The following ERI1 variants were observed in gnomAD, a reference collection of about 807,000 sequenced individuals.
ERI1 encodes 3'-5' exoribonuclease 1.
Under a neutral mutation model 39.7 loss-of-function variants are expected in ERI1, and 39 were observed. The observed-to-expected ratio is 0.98, with a 90% CI of 0.76 to 1.28. The LOEUF is 1.28. Among genes scored for constraint, ERI1 ranks in the 50% most tolerant of loss-of-function variants. ERI1 has a pLI of 0.00. For synonymous variants in ERI1, 204 were observed against 149.6 expected (o/e 1.36, Z -2.65); for missense variants, 581 against 416.9 (o/e 1.39, Z -3.43).
rs1389135952 is a variant in ERI1 at position 9,032,641 on chromosome 8, A to G, written c.*2607A>G. The G allele has an allele frequency of 6.6e-6, 1 of 152,246 alleles. No individual in the cohort carries two copies. Among genetic ancestry groups the G allele is most frequent in the African/African-American group, 2.4e-5 (1 of 41,464 alleles). 9.4% of individuals were successfully genotyped at this position (152,246 alleles called of 1,614,324 possible). A position where few individuals can be genotyped will look rare whatever the true frequency, so the allele number is the denominator to read the frequency against. ...GAGAGGGTATCTCTGAAGACTAATT[A>G]AAATGGTAATTTTTAAAAAGATGTG... On this transcript the variant is annotated 3_prime_UTR_variant, in exon 7 of 7. Transcript: ENST00000250263.
At chr8:9,077,777 A>G (rs890585504) in intron 3 of ERI1, among the ~76,000 whole-genome samples, 2 of 152,190 alleles carry the variant, frequency 1.3e-5, no homozygotes, top group Non-Finnish European at 2.9e-5. Context: ...TAGTCAGATA[A>G]GAGAGGACTA....
chr8:9,017,230 A>G (rs1053161410), intron 4 of ERI1, among the ~76,000 whole-genome samples: 1 of 151,476 alleles, frequency 6.6e-6, no homozygotes, highest in African/African-American at 2.4e-5. Context: ...TTTAGTAGAG[A>G]CGGGTTTCAC....
At chr8:9,037,489 G>A (rs1797889132), downstream of ERI1, among the ~76,000 whole-genome samples, 1 of 149,960 alleles carries the variant, frequency 6.7e-6, no homozygotes, top group African/African-American at 2.4e-5. Context: ...CATATGTACT[G>A]TATTGTTGGG....
intron 3 of ERI1, among the ~76,000 whole-genome samples, chr8:9,065,626 C>T (rs996638132): frequency 2.1e-3 from 294 of 141,078 alleles, no homozygotes; most frequent in African/African-American, 7.4e-3. Flanking sequence ...ACCCGGGAGG[C>T]GGAGCTTGCA....
intron 3 of ERI1, among the ~76,000 whole-genome samples, chr8:9,046,037 G>T (rs1224160970): frequency 2.0e-5 from 3 of 152,100 alleles, no homozygotes. Flanking sequence ...ATTCTAGGGG[G>T]CGGAGTTGGG....
chr8:9,032,379 T>G lies in ERI1; in HGVS notation c.*2345T>G, dbSNP rs1416827491. 1 of 152,206 alleles carries G rather than the reference T, an allele frequency of 6.6e-6. No individual in the cohort carries two copies. Among genetic ancestry groups the G allele is most frequent in the Non-Finnish European group, 1.5e-5 (1 of 68,028 alleles). 9.4% of individuals were successfully genotyped at this position (152,206 alleles called of 1,614,324 possible). A position where few individuals can be genotyped will look rare whatever the true frequency, so the allele number is the denominator to read the frequency against. The stretch of plus-strand genomic sequence containing the variant: ...CATTGACATAGTGGATTTCTGCTGA[T>G]TTTTTTCAAATCCGCAATCTTTATA... On this transcript the variant is annotated 3_prime_UTR_variant, in exon 7 of 7. Transcript: ENST00000250263.
chr8:9,066,573 A>G (rs1020902334), intron 3 of ERI1, among the ~76,000 whole-genome samples: 1 of 152,242 alleles, frequency 6.6e-6, no homozygotes, highest in African/African-American at 2.4e-5. Flanking sequence ...ACAGGCAGAA[A>G]GGAATCAGAT....
intron 6 of ERI1, among the ~76,000 whole-genome samples, chr8:9,023,468 T>C (rs1382282340): frequency 6.6e-6 from 1 of 152,128 alleles, no homozygotes; most frequent in Non-Finnish European, 1.5e-5. Context: ...TCACAGTATA[T>C]TAGTGTAATC....
intron 3 of ERI1, among the ~76,000 whole-genome samples, chr8:9,014,880 C>G (rs979018693): frequency 1.3e-5 from 2 of 152,088 alleles, no homozygotes; most frequent in East Asian, 1.9e-4. Flanking sequence ...CTTTGTCACC[C>G]AGGCTGGAGA....
At chr8:9,048,564 C>T (rs1039795375) in intron 3 of ERI1, 2 of 153,802 alleles carry the variant, frequency 1.3e-5, no homozygotes, top group Non-Finnish European at 2.9e-5. Context: ...CTGGTGGGGC[C>T]AGCAGATAAC....
chr8:9,037,465 G>A (rs1457277110), downstream of ERI1, among the ~76,000 whole-genome samples: 1 of 150,684 alleles, frequency 6.6e-6, no homozygotes, highest in Non-Finnish European at 1.5e-5. Flanking sequence ...CCCTTCATTT[G>A]TGCTGCAGAG....
At chr8:9,082,081 TG>T (rs1799389470) in intron 3 of ERI1, among the ~76,000 whole-genome samples, 1 of 152,128 alleles carries the variant, frequency 6.6e-6, no homozygotes, top group Admixed American at 6.6e-5. Flanking sequence ...CAGAGTAGAA[TG>T]GAAAGCATGA....
intron 3 of ERI1, among the ~76,000 whole-genome samples, chr8:9,042,937 C>T (rs1027142389): frequency 3.3e-5 from 5 of 152,158 alleles, no homozygotes; most frequent in Admixed American, 6.5e-5. Flanking sequence ...CGCGCAGTGC[C>T]GTATGTCCCC....
chr8:9,065,435 C>G (rs1176800760), intron 3 of ERI1, among the ~76,000 whole-genome samples: 8 of 152,134 alleles, frequency 5.3e-5, no homozygotes, highest in Non-Finnish European at 8.8e-5. Context: ...GTGGCTCACA[C>G]CTGTAATCCC....
In ERI1 at chr8:9,033,336, G is replaced by C. The variant is rs1465211530; in HGVS notation, c.*3302G>C. ...GTTTCTCTAAATAAAGTTTTGGAAA[G>C]AACTACCATTCTCATTTGTTTTCAT... is the stretch of plus-strand genomic sequence containing the variant. On this transcript the variant is annotated 3_prime_UTR_variant, in exon 7 of 7. Transcript: ENST00000250263. The C allele has an allele frequency of 6.6e-6, 1 of 152,176 alleles. No individual in the cohort carries two copies. 9.4% of individuals were successfully genotyped at this position (152,176 alleles called of 1,614,324 possible).
At chr8:9,049,305 C>CAG (rs1247159447) in intron 3 of ERI1, among the ~76,000 whole-genome samples, 4 of 131,882 alleles carry the variant, frequency 3.0e-5, no homozygotes, top group African/African-American at 1.2e-4. Flanking sequence ...CACTGTACTC[C>CAG]AGCCTGGGCG....
intron 3 of ERI1, among the ~76,000 whole-genome samples, chr8:9,072,094 G>C (rs11249901): frequency 0.094 from 14,274 of 152,026 alleles, 1,208 homozygotes; most frequent in East Asian, 0.24. Context: ...AAATGACAGA[G>C]AGGCAGAATT....
chr8:9,005,472 A>C (rs1005462930), intron 1 of ERI1, among the ~76,000 whole-genome samples: 10 of 152,064 alleles, frequency 6.6e-5, no homozygotes, highest in African/African-American at 9.7e-5. Context: ...TTGTAAAAGA[A>C]AATTTGTAAC....
At chr8:9,087,393 C>T (rs953349229) in intron 3 of ERI1, among the ~76,000 whole-genome samples, 1 of 149,474 alleles carries the variant, frequency 6.7e-6, no homozygotes, top group Non-Finnish European at 1.5e-5. Flanking sequence ...ATTACAGGTG[C>T]ATGTCACCAT....
Sources: allele counts gnomAD v4.1 joint callset (sites outside exome capture counted in the v4.1 genomes callset), GRCh38; gene constraint gnomAD v4.1.1; transcripts MANE v1.5; gene names NCBI Gene and HGNC (gene_info 2026-07-23, HGNC 2026-07-21).